NAALADL2: variants seen among roughly 807,000 people sequenced by gnomAD.
NAALADL2 encodes the protein N-acetylated alpha-linked acidic dipeptidase like 2.
Under a neutral mutation model 87.2 loss-of-function variants are expected in NAALADL2, and 76 were observed. That is an observed-to-expected ratio of 0.87 (90% confidence interval 0.72 to 1.05). The LOEUF is 1.05. Among genes scored for constraint, NAALADL2 ranks in the 50% least tolerant of loss-of-function variants. The probability of loss-of-function intolerance (pLI) is 0.00; values close to 1 mark genes in which losing one functional copy is unlikely to be tolerated. For synonymous variants in NAALADL2, 354 were observed against 331.0 expected, an observed-to-expected ratio of 1.07 and a Z score of -0.75; for missense variants, 1,089 against 945.8, an observed-to-expected ratio of 1.15 and a Z score of -1.99.
At chr3:174,484,173 G>A (rs1211127372) in intron 1 of NAALADL2, among the ~76,000 whole-genome samples, 2 of 146,320 alleles carry the variant, frequency 1.4e-5, no homozygotes, top group South Asian at 2.3e-4. Context: ...CGGATTTAAT[G>A]TGTCGAGTGT....
rs1173784676 is a variant in NAALADL2 at position 175,317,853 on chromosome 3, A to G, written c.940-6322A>G. Among the ~76,000 whole-genome samples, 3 of 152,186 alleles carry G rather than the reference A, an allele frequency of 2.0e-5. No individual in the cohort carries two copies. In the South Asian group the frequency reaches 6.2e-4, roughly 32 times the overall value. On this transcript the variant is annotated intron_variant, in intron 4 of 13. Transcript: ENST00000454872. ...AAGAGAAGCAAAAACATATATAGCTAGTAAGACTCTAACTTAGCTCCTCTG... is the reference window on the plus strand; with the variant it reads ...AAGAGAAGCAAAAACATATATAGCTGGTAAGACTCTAACTTAGCTCCTCTG...
At chr3:175,569,881 C>T (rs561168020) in intron 9 of NAALADL2, among the ~76,000 whole-genome samples, 18 of 149,632 alleles carry the variant, frequency 1.2e-4, no homozygotes, top group African/African-American at 4.2e-4. Flanking sequence ...ACATTAATAA[C>T]ATAATTATAC....
At chr3:174,848,080 A>G (rs1185059414) in intron 3 of NAALADL2, among the ~76,000 whole-genome samples, 1 of 151,434 alleles carries the variant, frequency 6.6e-6, no homozygotes, top group Non-Finnish European at 1.5e-5. Flanking sequence ...CTATGGTTTC[A>G]ATCAAGTTAT....
chr3:174,923,545 G>C (rs886413049), intron 1 of NAALADL2, among the ~76,000 whole-genome samples: 3 of 152,128 alleles, frequency 2.0e-5, no homozygotes, highest in African/African-American at 7.2e-5. Flanking sequence ...GTGAGCAAAA[G>C]TTTGAGGAGA....
At chr3:175,276,970 G>A (rs1026733238) in intron 4 of NAALADL2, among the ~76,000 whole-genome samples, 7 of 151,954 alleles carry the variant, frequency 4.6e-5, no homozygotes, top group South Asian at 4.1e-4. Context: ...TGTTGTCAAC[G>A]TCCTTATGGC....
At chr3:175,276,338 C>A (rs1040428976) in intron 4 of NAALADL2, among the ~76,000 whole-genome samples, 1 of 141,852 alleles carries the variant, frequency 7.0e-6, no homozygotes. Flanking sequence ...CCTCGCTCTG[C>A]TGCTAGACTG....
chr3:174,752,566 T>TA (rs911511776), intron 3 of NAALADL2, among the ~76,000 whole-genome samples: 7 of 151,648 alleles, frequency 4.6e-5, no homozygotes, highest in African/African-American at 7.3e-5. Context: ...TATTTTATTT[T>TA]AAAAAAAATA....
intron 11 of NAALADL2, among the ~76,000 whole-genome samples, chr3:175,690,646 C>T (rs183214475): frequency 6.6e-6 from 1 of 152,022 alleles, no homozygotes; most frequent in Admixed American, 6.6e-5. Context: ...AGGGCAGTGT[C>T]TTAATACCCA....
At chr3:175,390,080 T>C (rs773275524) in intron 5 of NAALADL2, among the ~76,000 whole-genome samples, 11 of 151,766 alleles carry the variant, frequency 7.2e-5, no homozygotes, top group Non-Finnish European at 1.6e-4. Context: ...TGGAAAAAAA[T>C]AGAACTTTAA....
chr3:175,690,468 TTGTTTC>T (rs1474461046), intron 11 of NAALADL2, among the ~76,000 whole-genome samples: 1 of 152,072 alleles, frequency 6.6e-6, no homozygotes. Flanking sequence ...CCAAATTTTA[TTGTTTC>T]TGCTTTTGTG....
intron 3 of NAALADL2, among the ~76,000 whole-genome samples, chr3:174,835,763 C>A (rs902320706): frequency 3.3e-5 from 5 of 152,110 alleles, no homozygotes; most frequent in African/African-American, 1.2e-4. Context: ...TACTCAACAT[C>A]CCTAATAATT....
chr3:174,468,742 T>C (rs1716695157), intron 1 of NAALADL2, among the ~76,000 whole-genome samples: 1 of 150,894 alleles, frequency 6.6e-6, no homozygotes, highest in African/African-American at 2.4e-5. Context: ...GACTTATATG[T>C]ATTGGATCAT....
In NAALADL2 at chr3:175,096,777, CT is replaced by C. The variant is rs772727066; in HGVS notation, c.44-11del. On this transcript the variant is annotated splice_polypyrimidine_tract_variant and intron_variant, in intron 1 of 13. Coordinates refer to ENST00000454872, the MANE Select transcript of NAALADL2 (RefSeq NM_207015.3). ...GTTTATTTTATTAAAATATATTTTT[CT>C]TATTTTCACAGGTAAAAAGATGGCC... 1.4e-5 allele frequency: 20 copies of C among 1,414,530 alleles called. No individual in the cohort carries two copies. The highest frequency in any genetic ancestry group is 1.8e-5 in the Non-Finnish European group (19 of 1,074,710). The allele number at this position is 1,414,530 out of a possible 1,614,324, so 87.6% of individuals were successfully genotyped here. A position where few individuals can be genotyped will look rare whatever the true frequency, so the allele number is the denominator to read the frequency against.
intron 1 of NAALADL2, among the ~76,000 whole-genome samples, chr3:175,026,139 A>G (rs939019134): frequency 6.6e-6 from 1 of 152,116 alleles, no homozygotes; most frequent in African/African-American, 2.4e-5. Context: ...ATGAATTATT[A>G]AGTTAACAAT....
At chr3:174,558,219 G>GC (rs1170107682) in intron 2 of NAALADL2, among the ~76,000 whole-genome samples, 2 of 152,070 alleles carry the variant, frequency 1.3e-5, no homozygotes, top group African/African-American at 4.8e-5. Context: ...TAGCAATTAG[G>GC]CCTGCTGGGT....
At chr3:174,595,520 A>T (rs910081146) in intron 2 of NAALADL2, among the ~76,000 whole-genome samples, 1 of 152,138 alleles carries the variant, frequency 6.6e-6, no homozygotes. Context: ...CTATCCTGGA[A>T]ATTAGTGGTT....
At chr3:175,007,226 A>G (rs1324958786) in intron 1 of NAALADL2, among the ~76,000 whole-genome samples, 1 of 151,516 alleles carries the variant, frequency 6.6e-6, no homozygotes, top group Admixed American at 6.6e-5. Flanking sequence ...TTGTAGTGCT[A>G]GTAAATTTTG....
intron 1 of NAALADL2, among the ~76,000 whole-genome samples, chr3:174,487,125 A>G (rs1199631984): frequency 2.0e-5 from 3 of 152,052 alleles, no homozygotes; most frequent in Non-Finnish European, 2.9e-5. Context: ...CATAGACAAA[A>G]TCAGTATGTA....
intron 2 of NAALADL2, among the ~76,000 whole-genome samples, chr3:174,557,930 A>G (rs557757053): frequency 1.9e-4 from 29 of 152,302 alleles, no homozygotes; most frequent in African/African-American, 5.3e-4. Flanking sequence ...GATTTGTGAC[A>G]TCAAATGTGA....
Sources: allele counts gnomAD v4.1 joint callset (sites outside exome capture counted in the v4.1 genomes callset), GRCh38; gene constraint gnomAD v4.1.1; transcripts MANE v1.5; gene names NCBI Gene and HGNC (gene_info 2026-07-23, HGNC 2026-07-21).